FARP1: variants seen among roughly 807,000 people sequenced by gnomAD.
FARP1 encodes the protein FERM, ARHGEF and pleckstrin domain-containing protein 1.
In FARP1, 52 loss-of-function variants were observed where a neutral mutation model predicts 128.8. The ratio of observed to expected loss-of-function variants is 0.40; its 90% CI spans 0.32 to 0.51. The LOEUF (loss-of-function observed/expected upper bound fraction) is 0.51. Ranked by LOEUF, FARP1 falls within the 20% of genes least tolerant of loss-of-function variation. The probability of loss-of-function intolerance (pLI) is 0.45; values close to 1 mark genes in which losing one functional copy is unlikely to be tolerated. For synonymous variants in FARP1, 580 were observed against 551.8 expected (o/e 1.05, Z -0.72); for missense variants, 1,333 against 1,367.9 (o/e 0.97, Z 0.40).
chr13:98,221,574 A>C (rs1238458695), intron 2 of FARP1, among the ~76,000 whole-genome samples: 1 of 152,208 alleles, frequency 6.6e-6, no homozygotes. Context: ...TTGTGGACTT[A>C]CGTGCAGCTT....
At chr13:98,323,249 A>T (rs1315491737) in intron 2 of FARP1, among the ~76,000 whole-genome samples, 1 of 152,166 alleles carries the variant, frequency 6.6e-6, no homozygotes, top group Admixed American at 6.5e-5. Flanking sequence ...CACATATTTT[A>T]TAATAAAATT....
chr13:98,237,411 C>T (rs1205805790), intron 2 of FARP1, among the ~76,000 whole-genome samples: 2 of 152,162 alleles, frequency 1.3e-5, no homozygotes, highest in Non-Finnish European at 2.9e-5. Context: ...AAAGATGCAG[C>T]ATTAAATCAT....
chr13:98,177,084 G>A (rs763203117), intron 1 of FARP1: 15 of 1,598,440 alleles, frequency 9.4e-6, no homozygotes, highest in Non-Finnish European at 1.0e-5. Context: ...TGTCGCCCTC[G>A]TCCCCGCTGC....
At chr13:98,365,464 T>A (rs773250439) in intron 4 of FARP1, 27 bp downstream of exon 4, 4 of 1,527,922 alleles carry the variant, frequency 2.6e-6, no homozygotes, top group Non-Finnish European at 3.6e-6. Context: ...TGTTTAATAG[T>A]GATGTGAAAT....
At chr13:98,410,912 T>C in intron 15 of FARP1, 89 bp downstream of exon 15, 1 of 638,682 alleles carries the variant, frequency 1.6e-6, no homozygotes, top group South Asian at 2.2e-5. Flanking sequence ...GCTAATTAAA[T>C]GTTGGATTCG....
In FARP1 at chr13:98,440,247, C is replaced by T. The variant is rs1272066898; in HGVS notation, c.2629+12C>T. ...CCCCCCTGACAACAGTGAGTGTGGC[C>T]AGGGCAGCTTTCCCATGCAGGGGTC... On this transcript the variant is annotated intron_variant, in intron 23 of 26. Transcript: ENST00000319562. The T allele has an allele frequency of 4.4e-6, 7 of 1,595,504 alleles. No individual in the cohort carries two copies. The highest frequency in any genetic ancestry group is 5.2e-6 in the Non-Finnish European group (6 of 1,163,386).
At chr13:98,445,838 T>G (rs1009733569) in intron 24 of FARP1, 4 of 403,770 alleles carry the variant, frequency 9.9e-6, no homozygotes, top group African/African-American at 2.2e-5. Flanking sequence ...TCTAAGGTAC[T>G]GGTAGTCAGG....
intron 2 of FARP1, among the ~76,000 whole-genome samples, chr13:98,259,283 G>GTA (rs1188897992): frequency 1.3e-5 from 2 of 149,562 alleles, no homozygotes; most frequent in African/African-American, 2.6e-5. Context: ...TGTATATAGA[G>GTA]TATATATATA....
chr13:98,238,302 G>A (rs954951763), intron 2 of FARP1, among the ~76,000 whole-genome samples: 2 of 152,184 alleles, frequency 1.3e-5, no homozygotes, highest in African/African-American at 4.8e-5. Flanking sequence ...TTGAGGTGAC[G>A]CTGTTGAGGA....
chr13:98,302,401 CT>C (rs1213426973), intron 2 of FARP1, among the ~76,000 whole-genome samples: 1 of 152,108 alleles, frequency 6.6e-6, no homozygotes, highest in Non-Finnish European at 1.5e-5. Flanking sequence ...TTTTTCACCC[CT>C]GCCCACACCA....
At chr13:98,413,858 GTCTTAGGCAAATCTTCCTGGA>G (rs1891283491) in intron 16 of FARP1, among the ~76,000 whole-genome samples, 1 of 152,136 alleles carries the variant, frequency 6.6e-6, no homozygotes, top group Non-Finnish European at 1.5e-5. Context: ...TGTTAGTACC[GTCTTAGGCAAATCTTCCTGGA>G]GGCTCAGGGC....
chr13:98,207,471 G>C (rs1440624986), intron 1 of FARP1, among the ~76,000 whole-genome samples: 1 of 152,116 alleles, frequency 6.6e-6, no homozygotes, highest in African/African-American at 2.4e-5. Flanking sequence ...GAAGATATCT[G>C]CAGGGAGGGT....
At chr13:98,361,347 T>C (rs1322280481) in intron 3 of FARP1, among the ~76,000 whole-genome samples, 1 of 152,236 alleles carries the variant, frequency 6.6e-6, no homozygotes, top group African/African-American at 2.4e-5. Context: ...CCATGTGTTA[T>C]AAAACCACAT....
chr13:98,226,370 A>G (rs1439636438), intron 2 of FARP1, among the ~76,000 whole-genome samples: 3 of 152,128 alleles, frequency 2.0e-5, no homozygotes, highest in Non-Finnish European at 4.4e-5. Context: ...ACATGGTCAT[A>G]TTAGATTAGG....
intron 2 of FARP1, among the ~76,000 whole-genome samples, chr13:98,274,297 C>T (rs1305539782): frequency 6.6e-6 from 1 of 152,124 alleles, no homozygotes; most frequent in Admixed American, 6.5e-5. Flanking sequence ...CAGGGCCATG[C>T]TTGGTTTAGA....
Position 98,205,411 on chromosome 13 carries a change from T to C in FARP1, c.-23-7809T>C, listed in dbSNP as rs1478773488. 2.0e-5 allele frequency among the ~76,000 whole-genome samples: 3 copies of C among 152,232 alleles called. No homozygotes were observed. In the East Asian group the frequency reaches 5.8e-4, roughly 29 times the overall value. ...ATCTATCAGTTCTCTGTGTTTTTTT[T>C]AGACAGAGTCTCACTCTGTCACCCA... On this transcript the variant is annotated intron_variant, in intron 1 of 26. Transcript: ENST00000319562.
At chr13:98,275,581 T>G in intron 2 of FARP1, among the ~76,000 whole-genome samples, 1 of 151,666 alleles carries the variant, frequency 6.6e-6, no homozygotes, top group East Asian at 1.9e-4. Flanking sequence ...CCTAACATTG[T>G]TAGAGTTTGA....
intron 3 of FARP1, among the ~76,000 whole-genome samples, chr13:98,352,806 CAGTCAG>C (rs1253598457): frequency 6.6e-6 from 1 of 152,086 alleles, no homozygotes; most frequent in African/African-American, 2.4e-5. Context: ...TGTGAGTGTG[CAGTCAG>C]CAAAATCCAA....
chr13:98,316,259 A>G lies in FARP1; in HGVS notation c.172-27503A>G, dbSNP rs568694396. ...CAGATGTGGACTCCCTAAAAAAGTC[A>G]TAACACCATTAACAAGCAAAACCCC... On this transcript the variant is annotated intron_variant, in intron 2 of 26. Coordinates refer to ENST00000319562, the MANE Select transcript of FARP1 (RefSeq NM_005766.4). Among the ~76,000 whole-genome samples, 46 of 152,290 alleles carry G rather than the reference A, an allele frequency of 3.0e-4. 1 individual carries two copies. The highest frequency in any genetic ancestry group is 1.0e-3 in the African/African-American group (43 of 41,558).
Sources: allele counts gnomAD v4.1 joint callset (sites outside exome capture counted in the v4.1 genomes callset), GRCh38; gene constraint gnomAD v4.1.1; transcripts MANE v1.5; gene names NCBI Gene and HGNC (gene_info 2026-07-23, HGNC 2026-07-21).